The following CDK14 variants were observed in gnomAD, a reference collection of about 807,000 sequenced individuals.
CDK14 encodes cyclin dependent kinase 14, also known as cyclin-dependent kinase 14.
CDK14 carries 34 observed loss-of-function variants against 60.7 expected under a neutral mutation model. The ratio of observed to expected loss-of-function variants is 0.56; its 90% CI spans 0.43 to 0.75. The LOEUF is 0.75. Among genes scored for constraint, CDK14 ranks in the 30% least tolerant of loss-of-function variants. The pLI, the probability that CDK14 is intolerant of heterozygous loss-of-function variation, is 0.00. For synonymous variants in CDK14, 197 were observed against 203.7 expected, an observed-to-expected ratio of 0.97 and a Z score of 0.28; for missense variants, 482 against 564.1, an observed-to-expected ratio of 0.85 and a Z score of 1.47.
chr7:90,933,279 C>CAAA (rs565640721), intron 8 of CDK14, among the ~76,000 whole-genome samples: 12 of 88,494 alleles, frequency 1.4e-4, no homozygotes, highest in African/African-American at 4.2e-4. Context: ...AACCCTGTCT[C>CAAA]AAAAAAAAAA....
chr7:91,192,941 T>A (rs966787991), intron 14 of CDK14, among the ~76,000 whole-genome samples: 4 of 152,198 alleles, frequency 2.6e-5, no homozygotes, highest in African/African-American at 9.6e-5. Flanking sequence ...TCCGGGTTTC[T>A]CCTCTCTTGA....
At chr7:90,924,661 T>C (rs1320534892) in intron 8 of CDK14, among the ~76,000 whole-genome samples, 1 of 152,226 alleles carries the variant, frequency 6.6e-6, no homozygotes, top group Non-Finnish European at 1.5e-5. Context: ...ACTGACCAGC[T>C]ACTATGGGAA....
chr7:90,735,135 C>T (rs1803038112), intron 3 of CDK14, among the ~76,000 whole-genome samples: 1 of 152,182 alleles, frequency 6.6e-6, no homozygotes, highest in Non-Finnish European at 1.5e-5. Flanking sequence ...GTATCACGAG[C>T]AGAGGCTGCA....
intron 2 of CDK14, among the ~76,000 whole-genome samples, chr7:90,668,906 A>G (rs1173943487): frequency 6.6e-6 from 1 of 150,890 alleles, no homozygotes; most frequent in Non-Finnish European, 1.5e-5. Flanking sequence ...TTTTTTTACA[A>G]TTTTTATTAG....
At chr7:90,794,359 T>C (rs1278878931) in intron 5 of CDK14, among the ~76,000 whole-genome samples, 5 of 152,110 alleles carry the variant, frequency 3.3e-5, no homozygotes, top group African/African-American at 7.2e-5. Flanking sequence ...CTGACCAAAA[T>C]TTATTAGGCG....
chr7:90,829,200 G>A (rs902112321), intron 5 of CDK14, among the ~76,000 whole-genome samples: 1 of 152,016 alleles, frequency 6.6e-6, no homozygotes, highest in Admixed American at 6.5e-5. Flanking sequence ...ATGGGATTTG[G>A]GTGGGGACAC....
At chr7:90,934,196 C>T (rs1360405791) in intron 8 of CDK14, among the ~76,000 whole-genome samples, 2 of 152,248 alleles carry the variant, frequency 1.3e-5, no homozygotes, top group African/African-American at 4.8e-5. Flanking sequence ...TCTCTGGCCT[C>T]CTATCAGCTG....
intron 11 of CDK14, among the ~76,000 whole-genome samples, chr7:91,049,620 G>T (rs1396879038): frequency 6.6e-6 from 1 of 152,060 alleles, no homozygotes; most frequent in Non-Finnish European, 1.5e-5. Context: ...CAAATGTATT[G>T]CTTTATGGCT....
intron 7 of CDK14, among the ~76,000 whole-genome samples, chr7:90,915,208 G>A (rs1022393391): frequency 2.0e-5 from 3 of 152,052 alleles, no homozygotes; most frequent in African/African-American, 4.8e-5. Flanking sequence ...AGGCTGAGGC[G>A]GGCAGATCAT....
At chr7:91,085,434 T>G (rs962764236) in intron 12 of CDK14, among the ~76,000 whole-genome samples, 9 of 152,202 alleles carry the variant, frequency 5.9e-5, no homozygotes, top group Admixed American at 5.9e-4. Flanking sequence ...CCCCATTTCC[T>G]CTGCCTCCAG....
chr7:91,033,004 A>T (rs949597272), intron 10 of CDK14, among the ~76,000 whole-genome samples: 2 of 152,226 alleles, frequency 1.3e-5, no homozygotes, highest in Non-Finnish European at 2.9e-5. Context: ...AAAGGTTGAC[A>T]ATCAGCACAC....
At chr7:90,692,714 A>G (rs934668515) in intron 2 of CDK14, 1 of 920,084 alleles carries the variant, frequency 1.1e-6, no homozygotes. Flanking sequence ...TATATATATA[A>G]TTTATTTCCA....
chr7:90,744,627 G>T (rs1273781402), intron 3 of CDK14, among the ~76,000 whole-genome samples: 1 of 151,170 alleles, frequency 6.6e-6, no homozygotes, highest in Non-Finnish European at 1.5e-5. Context: ...GGGGCGGCTG[G>T]CTGGGCCGGG....
chr7:91,009,140 C>T (rs151226692), intron 10 of CDK14, among the ~76,000 whole-genome samples: 1 of 152,000 alleles, frequency 6.6e-6, no homozygotes, highest in Non-Finnish European at 1.5e-5. Context: ...TTTGCCCTGG[C>T]TTTTTTTAGT....
chr7:90,678,928 G>T (rs551767467), intron 2 of CDK14, among the ~76,000 whole-genome samples: 2 of 152,280 alleles, frequency 1.3e-5, no homozygotes, highest in South Asian at 4.1e-4. Context: ...GAGTTGCAAA[G>T]AGAGTTGGAA....
intron 14 of CDK14, among the ~76,000 whole-genome samples, chr7:91,141,396 C>A (rs1800452950): frequency 1.3e-5 from 2 of 152,096 alleles, no homozygotes; most frequent in Admixed American, 6.6e-5. Flanking sequence ...GATAATTAGG[C>A]CAAGTCTGGT....
chr7:91,078,774 G>A (rs997934398), intron 11 of CDK14, among the ~76,000 whole-genome samples: 7 of 152,170 alleles, frequency 4.6e-5, no homozygotes, highest in Non-Finnish European at 1.0e-4. Flanking sequence ...AAAAAAATAT[G>A]TGAAAAGGGA....
At chr7:91,073,449 T>C (rs1798211978) in intron 11 of CDK14, among the ~76,000 whole-genome samples, 1 of 152,030 alleles carries the variant, frequency 6.6e-6, no homozygotes, top group Non-Finnish European at 1.5e-5. Flanking sequence ...GACAAGCAAA[T>C]GCTGAGGGAT....
intron 3 of CDK14, among the ~76,000 whole-genome samples, chr7:90,743,030 A>C (rs1487601003): frequency 6.6e-6 from 1 of 152,140 alleles, no homozygotes; most frequent in Admixed American, 6.5e-5. Flanking sequence ...ATGTAATTTT[A>C]TACAATATTT....
Sources: gnomAD v4.1 joint callset for allele counts (sites outside exome capture counted in the v4.1 genomes callset) on GRCh38, gnomAD v4.1.1 for gene constraint, MANE v1.5 for transcripts, NCBI Gene and HGNC (gene_info 2026-07-23, HGNC 2026-07-21) for gene names.